Variants in SCAPER observed in about 807,000 individuals in gnomAD.
SCAPER encodes the protein S phase cyclin A-associated protein in the endoplasmic reticulum.
A neutral mutation model predicts 182.2 loss-of-function variants in SCAPER; 98 were observed. The observed-to-expected ratio is 0.54, with a 90% CI of 0.46 to 0.64. The LOEUF is 0.64. SCAPER is among the 30% of genes least tolerant of loss of function. SCAPER has a pLI of 0.00. For synonymous variants in SCAPER, 605 were observed against 564.6 expected (o/e 1.07, Z -1.01); for missense variants, 1,432 against 1,690.0 (o/e 0.85, Z 2.68).
intron 23 of SCAPER, among the ~76,000 whole-genome samples, chr15:76,530,339 C>T (rs1247668281): frequency 2.0e-5 from 3 of 152,166 alleles, no homozygotes; most frequent in African/African-American, 7.2e-5. Flanking sequence ...CCTTGGTTTT[C>T]AATGAGCAGA....
intron 17 of SCAPER, among the ~76,000 whole-genome samples, chr15:76,722,844 G>C (rs2060340354): frequency 6.6e-6 from 1 of 152,038 alleles, no homozygotes; most frequent in Admixed American, 6.6e-5. Flanking sequence ...CTTGCTAGCA[G>C]TCTATCGATT....
intron 22 of SCAPER, among the ~76,000 whole-genome samples, chr15:76,587,881 C>T (rs2048791040): frequency 6.6e-6 from 1 of 151,774 alleles, no homozygotes; most frequent in Admixed American, 6.6e-5. Context: ...TACTGAAGTC[C>T]CCCACTATTA....
chr15:76,728,545 T>C (rs750347332), intron 17 of SCAPER, 50 bp downstream of exon 17: 9 of 1,608,824 alleles, frequency 5.6e-6, no homozygotes, highest in South Asian at 3.3e-5. Flanking sequence ...AGACCTCAAC[T>C]TGAATATTCA....
chr15:76,769,164 C>A (rs1161844283), intron 10 of SCAPER, among the ~76,000 whole-genome samples: 2 of 152,022 alleles, frequency 1.3e-5, no homozygotes, highest in Non-Finnish European at 2.9e-5. Context: ...AACAACCTGG[C>A]CAGGCGTGGT....
intron 22 of SCAPER, among the ~76,000 whole-genome samples, chr15:76,607,240 T>C (rs984585336): frequency 2.0e-5 from 3 of 152,236 alleles, no homozygotes; most frequent in African/African-American, 7.2e-5. Context: ...AGCATTTACT[T>C]GTCTGTAAAG....
chr15:76,623,952 A>AG (rs1434246971), intron 21 of SCAPER, among the ~76,000 whole-genome samples: 5 of 152,216 alleles, frequency 3.3e-5, no homozygotes, highest in Non-Finnish European at 5.9e-5. Context: ...CCAATACCAT[A>AG]GTTGATGGGC....
intron 6 of SCAPER, among the ~76,000 whole-genome samples, chr15:76,802,225 T>C (rs1430420326): frequency 1.3e-5 from 2 of 152,126 alleles, no homozygotes; most frequent in Admixed American, 6.6e-5. Context: ...CATCCAAAAG[T>C]TGGGGGAGAC....
rs539926809 is a variant in SCAPER at position 76,422,035 on chromosome 15, T to C, written c.3311+12043A>G. 1.1e-4 allele frequency among the ~76,000 whole-genome samples: 16 copies of C among 152,324 alleles called. 1 individual carries two copies. In the South Asian group the frequency reaches 3.1e-3, roughly 30 times the overall value. ...TTTTGGTTACTATAGCCTTGTAGTA[T>C]AGTTTGAAGTCAGGTAGCGTGATGC... On this transcript the variant is annotated intron_variant, in intron 26 of 31. Coordinates refer to ENST00000563290, the MANE Select transcript of SCAPER (RefSeq NM_020843.4).
intron 1 of SCAPER, among the ~76,000 whole-genome samples, chr15:76,886,547 T>C (rs1275477762): frequency 6.6e-6 from 1 of 152,204 alleles, no homozygotes; most frequent in Non-Finnish European, 1.5e-5. Flanking sequence ...GGAACACTTA[T>C]ACACTGTTGG....
chr15:76,764,868 T>A, intron 14 of SCAPER, 93 bp downstream of exon 14: 1 of 656,942 alleles, frequency 1.5e-6, no homozygotes, highest in Non-Finnish European at 2.5e-6. Flanking sequence ...ATTATTTTTA[T>A]GGTTATTTTA....
intron 27 of SCAPER, among the ~76,000 whole-genome samples, chr15:76,390,398 A>G (rs998976578): frequency 5.9e-5 from 9 of 152,218 alleles, no homozygotes; most frequent in Non-Finnish European, 1.2e-4. Flanking sequence ...ATAAGAATGG[A>G]AGGTAAAGGA....
chr15:76,784,597 A>G (rs143419097), intron 8 of SCAPER, among the ~76,000 whole-genome samples: 1 of 152,326 alleles, frequency 6.6e-6, no homozygotes, highest in East Asian at 1.9e-4. Context: ...ACGCAAAAAG[A>G]ACAAAGCTGA....
At chr15:76,444,674 T>C (rs1256082153) in intron 25 of SCAPER, among the ~76,000 whole-genome samples, 2 of 152,224 alleles carry the variant, frequency 1.3e-5, no homozygotes. Flanking sequence ...AAATACTTTT[T>C]CATCCCTGTC....
At chr15:76,363,900 T>C (rs558486995) in intron 29 of SCAPER, among the ~76,000 whole-genome samples, 2 of 152,344 alleles carry the variant, frequency 1.3e-5, no homozygotes, top group African/African-American at 4.8e-5. Context: ...TCTGTCCACA[T>C]TGCTCTTACC....
chr15:76,386,310 A>G (rs2938696), intron 27 of SCAPER, among the ~76,000 whole-genome samples: 147,949 of 152,280 alleles, frequency 0.97, 72,003 homozygotes, highest in East Asian at 1. Flanking sequence ...TATAGATACT[A>G]TTGTAGGAAC....
At chr15:76,821,568 G>A (rs1307739640) in intron 5 of SCAPER, among the ~76,000 whole-genome samples, 1 of 152,038 alleles carries the variant, frequency 6.6e-6, no homozygotes, top group Non-Finnish European at 1.5e-5. Context: ...AGGCTGCAGT[G>A]ATCTCTGATC....
chr15:76,589,466 G>T (rs1269969389), intron 22 of SCAPER, among the ~76,000 whole-genome samples: 2 of 152,114 alleles, frequency 1.3e-5, no homozygotes, highest in Non-Finnish European at 2.9e-5. Flanking sequence ...GGGAAGTGGG[G>T]AAAAGCTGAC....
At chr15:76,742,466 T>TAAAAAAAAAA (rs55751202) in intron 15 of SCAPER, among the ~76,000 whole-genome samples, 3 of 37,026 alleles carry the variant, frequency 8.1e-5, no homozygotes, top group African/African-American at 3.0e-4. Context: ...TGTCTTTTCC[T>TAAAAAAAAAA]AAAAAAAAAA....
At chr15:76,535,414 C>G (rs1314184556) in intron 23 of SCAPER, among the ~76,000 whole-genome samples, 2 of 146,000 alleles carry the variant, frequency 1.4e-5, no homozygotes, top group African/African-American at 2.5e-5. Flanking sequence ...CCCAGCTACT[C>G]AGGAGGCTGA....
Sources: allele counts gnomAD v4.1 joint callset (sites outside exome capture counted in the v4.1 genomes callset), GRCh38; gene constraint gnomAD v4.1.1; transcripts MANE v1.5; gene names NCBI Gene and HGNC (gene_info 2026-07-23, HGNC 2026-07-21).